FAM13A: variants seen among roughly 807,000 people sequenced by gnomAD.
FAM13A encodes protein FAM13A.
A neutral mutation model predicts 129.6 loss-of-function variants in FAM13A; 76 were observed. The ratio of observed to expected loss-of-function variants is 0.59; its 90% confidence interval spans 0.49 to 0.71. The LOEUF (loss-of-function observed/expected upper bound fraction) is 0.71, where lower values mean the gene tolerates loss of function less well. FAM13A is among the 30% of genes least tolerant of loss of function. The pLI, the probability that FAM13A is intolerant of heterozygous loss-of-function variation, is 0.00. For synonymous variants in FAM13A, 443 were observed against 449.9 expected (o/e 0.98, Z 0.20); for missense variants, 1,108 against 1,249.3 (o/e 0.89, Z 1.70).
At chr4:88,932,534 A>G (rs1056158131) in intron 5 of FAM13A, among the ~76,000 whole-genome samples, 31 of 152,350 alleles carry the variant, frequency 2.0e-4, no homozygotes, top group African/African-American at 6.7e-4. Flanking sequence ...TTTGCATTAA[A>G]TAAGAAAAAA....
At chr4:88,786,713 A>T (rs746390636) in intron 10 of FAM13A, among the ~76,000 whole-genome samples, 3 of 150,286 alleles carry the variant, frequency 2.0e-5, no homozygotes, top group Non-Finnish European at 1.5e-5. Flanking sequence ...GCTCTTAAAC[A>T]TCTCGGTGAG....
At chr4:88,907,931 G>C (rs1417837268) in intron 5 of FAM13A, among the ~76,000 whole-genome samples, 1 of 152,228 alleles carries the variant, frequency 6.6e-6, no homozygotes, top group Non-Finnish European at 1.5e-5. Context: ...CACATAGACA[G>C]TGGCAAAGCT....
chr4:88,812,540 C>T (rs1244858729), intron 7 of FAM13A, among the ~76,000 whole-genome samples: 1 of 152,176 alleles, frequency 6.6e-6, no homozygotes, highest in East Asian at 1.9e-4. Flanking sequence ...TACCTTAAAT[C>T]CTTTCTCCAC....
intron 5 of FAM13A, among the ~76,000 whole-genome samples, chr4:88,932,559 G>A (rs1406164608): frequency 6.6e-6 from 1 of 152,186 alleles, no homozygotes; most frequent in Non-Finnish European, 1.5e-5. Context: ...ATAAACATTT[G>A]TTGAAGTTAA....
intron 7 of FAM13A, among the ~76,000 whole-genome samples, chr4:88,849,870 C>G (rs1368253458): frequency 6.6e-6 from 1 of 152,304 alleles, no homozygotes; most frequent in African/African-American, 2.4e-5. Context: ...ACCTTTCCAG[C>G]CTTATCTCCA....
chr4:88,822,547 C>T (rs919593767), intron 7 of FAM13A, among the ~76,000 whole-genome samples: 1 of 152,166 alleles, frequency 6.6e-6, no homozygotes, highest in Non-Finnish European at 1.5e-5. Flanking sequence ...TTGCCTAGAT[C>T]TGAACTCCAG....
chr4:88,825,497 G>A (rs867708148), intron 7 of FAM13A, among the ~76,000 whole-genome samples: 44 of 152,168 alleles, frequency 2.9e-4, no homozygotes, highest in African/African-American at 8.9e-4. Flanking sequence ...GATTACAGGC[G>A]GAGCCACTAC....
At chr4:89,040,530 A>G (rs551695742) in intron 1 of FAM13A, among the ~76,000 whole-genome samples, 1 of 152,334 alleles carries the variant, frequency 6.6e-6, no homozygotes, top group Admixed American at 6.5e-5. Context: ...ATAGAGACAT[A>G]GACAATCATA....
chr4:89,042,937 T>C (rs373181483), intron 1 of FAM13A, among the ~76,000 whole-genome samples: 6 of 152,240 alleles, frequency 3.9e-5, no homozygotes, highest in African/African-American at 1.4e-4. Context: ...TAAAGACAAA[T>C]CCAATAAAAA....
At chr4:88,925,598 T>A (rs9997652) in intron 5 of FAM13A, among the ~76,000 whole-genome samples, 112,577 of 150,064 alleles carry the variant, frequency 0.75, 42,549 homozygotes, top group Non-Finnish European at 0.79. Flanking sequence ...ATGCTAAATG[T>A]CGAGTTAATG....
intron 2 of FAM13A, among the ~76,000 whole-genome samples, chr4:89,027,535 AG>A (rs1768125252): frequency 1.3e-5 from 2 of 151,956 alleles, no homozygotes; most frequent in African/African-American, 4.8e-5. Context: ...GCAATACAAT[AG>A]AAAAAATGGG....
chr4:88,783,696 TGGAGACAGGGCCTTTAA>T (rs1479899526), intron 10 of FAM13A, among the ~76,000 whole-genome samples: 1 of 152,090 alleles, frequency 6.6e-6, no homozygotes, highest in Non-Finnish European at 1.5e-5. Context: ...TGACCATATT[TGGAGACAGGGCCTTTAA>T]GGAGGTAAAT....
chr4:88,941,649 A>G (rs765523050), intron 4 of FAM13A, among the ~76,000 whole-genome samples: 5 of 152,206 alleles, frequency 3.3e-5, no homozygotes, highest in Non-Finnish European at 7.3e-5. Flanking sequence ...GGAACACAGA[A>G]AAGATGCTGC....
intron 4 of FAM13A, among the ~76,000 whole-genome samples, chr4:88,951,949 A>G (rs1757018416): frequency 6.6e-6 from 1 of 152,196 alleles, no homozygotes; most frequent in Non-Finnish European, 1.5e-5. Flanking sequence ...ATACTCTTAG[A>G]AGTTGAACTT....
chr4:88,760,903 G>C (rs1744700367), intron 13 of FAM13A, among the ~76,000 whole-genome samples: 1 of 152,038 alleles, frequency 6.6e-6, no homozygotes, highest in African/African-American at 2.4e-5. Flanking sequence ...CAGCAAATAA[G>C]CATTTTCTCA....
intron 7 of FAM13A, among the ~76,000 whole-genome samples, chr4:88,821,062 C>T (rs765620176): frequency 6.6e-5 from 10 of 152,150 alleles, no homozygotes; most frequent in Non-Finnish European, 1.0e-4. Context: ...ATCATTACCA[C>T]GAGAGTCACA....
intron 7 of FAM13A, among the ~76,000 whole-genome samples, chr4:88,815,265 C>T (rs1335668696): frequency 6.6e-6 from 1 of 152,102 alleles, no homozygotes; most frequent in African/African-American, 2.4e-5. Context: ...CACTTTGTTA[C>T]TTAGGCACCT....
At chr4:88,845,147 G>A (rs1220565913) in intron 7 of FAM13A, among the ~76,000 whole-genome samples, 1 of 151,874 alleles carries the variant, frequency 6.6e-6, no homozygotes, top group Admixed American at 6.6e-5. Flanking sequence ...TGAGGATCAC[G>A]AGGGAAAAAA....
chr4:88,917,083 T>C (rs1291495325), intron 5 of FAM13A, among the ~76,000 whole-genome samples: 1 of 152,222 alleles, frequency 6.6e-6, no homozygotes, highest in Non-Finnish European at 1.5e-5. Flanking sequence ...GGATGCCAAA[T>C]TAATTTTTTC....
Sources: gnomAD v4.1 joint callset for allele counts (sites outside exome capture counted in the v4.1 genomes callset) on GRCh38, gnomAD v4.1.1 for gene constraint, MANE v1.5 for transcripts, NCBI Gene and HGNC (gene_info 2026-07-23, HGNC 2026-07-21) for gene names.